The following MCTP1 variants were observed in gnomAD, a reference collection of about 807,000 sequenced individuals.
MCTP1 encodes multiple C2 and transmembrane domain containing 1.
A neutral mutation model predicts 120.6 loss-of-function variants in MCTP1; 69 were observed. The ratio of observed to expected loss-of-function variants is 0.57; its 90% CI spans 0.47 to 0.70. The LOEUF is 0.70. MCTP1 is among the 30% of genes least tolerant of loss of function. MCTP1 has a pLI of 0.00. For missense variants in MCTP1, 1,203 were observed against 1,248.8 expected, an observed-to-expected ratio of 0.96 and a Z score of 0.55; for synonymous variants, 529 against 493.1, an observed-to-expected ratio of 1.07 and a Z score of -0.96.
chr5:94,843,392 T>C (rs114594993), intron 17 of MCTP1, among the ~76,000 whole-genome samples: 1,612 of 152,256 alleles, frequency 0.011, 12 homozygotes, highest in African/African-American at 0.031. Flanking sequence ...TTGTGATCAG[T>C]TTACAATGTC....
chr5:95,032,437 T>C (rs538891151), intron 1 of MCTP1, among the ~76,000 whole-genome samples: 2 of 152,154 alleles, frequency 1.3e-5, no homozygotes, highest in South Asian at 4.1e-4. Flanking sequence ...CAAGAGGAAC[T>C]CTCAAAACCA....
chr5:94,870,393 G>A (rs1375459240), intron 16 of MCTP1, 24 bp downstream of exon 16: 8 of 1,481,652 alleles, frequency 5.4e-6, no homozygotes, highest in Admixed American at 1.7e-5. Context: ...TTCCCAGAGG[G>A]ATTAATCTTT....
At chr5:95,133,393 C>T (rs971662936) in intron 1 of MCTP1, among the ~76,000 whole-genome samples, 4 of 152,092 alleles carry the variant, frequency 2.6e-5, no homozygotes, top group African/African-American at 4.8e-5. Context: ...GTAATAAGGC[C>T]GGGTGCAGTG....
Position 94,707,437 on chromosome 5 carries a change from G to A in MCTP1, c.*59C>T, listed in dbSNP as rs1754924082. Reference sequence around the variant, plus strand: ...AAAGAAAGGAAATGCTGCTGAGGCTGAGGGCTTTTTCTTTTATCTTCCCAA... The same window carrying A: ...AAAGAAAGGAAATGCTGCTGAGGCTAAGGGCTTTTTCTTTTATCTTCCCAA... On this transcript the variant is annotated 3_prime_UTR_variant, in exon 23 of 23. Coordinates refer to ENST00000515393, the MANE Select transcript of MCTP1 (RefSeq NM_024717.7). The A allele has an allele frequency of 7.8e-7, 1 of 1,288,540 alleles. No homozygotes were observed. Among genetic ancestry groups the A allele is most frequent in the Non-Finnish European group, 1.1e-6 (1 of 901,522 alleles). 79.8% of individuals were successfully genotyped at this position (1,288,540 alleles called of 1,614,324 possible).
chr5:94,881,288 A>T (rs886367726), intron 12 of MCTP1, among the ~76,000 whole-genome samples: 1 of 152,010 alleles, frequency 6.6e-6, no homozygotes, highest in Non-Finnish European at 1.5e-5. Flanking sequence ...TTTAGTACTA[A>T]CCTCCAGAGA....
intron 2 of MCTP1, among the ~76,000 whole-genome samples, chr5:94,982,609 A>G (rs953761724): frequency 6.6e-6 from 1 of 152,084 alleles, no homozygotes; most frequent in African/African-American, 2.4e-5. Context: ...GAGTTCATCA[A>G]AAGAAAGATG....
intron 22 of MCTP1, 38 bp from the exon 23 acceptor site, chr5:94,707,605 G>A (rs748052807): frequency 6.7e-7 from 1 of 1,500,572 alleles, no homozygotes; most frequent in South Asian, 1.1e-5. Flanking sequence ...TGGTCAGGTG[G>A]CCACTTTCTG....
intron 1 of MCTP1, among the ~76,000 whole-genome samples, chr5:95,092,110 C>A (rs1287454739): frequency 6.6e-6 from 1 of 152,186 alleles, no homozygotes; most frequent in Non-Finnish European, 1.5e-5. Context: ...ATTAGAAATA[C>A]ACCTAATGAA....
In MCTP1 at chr5:95,249,708, G is replaced by A. The variant is rs546490071; in HGVS notation, c.720+34148C>T. Among the ~76,000 whole-genome samples the A allele has an allele frequency of 1.4e-4, 21 of 152,202 alleles. No individual in the cohort carries two copies. The South Asian group carries it at 4.0e-3, about 29-fold the overall frequency. On this transcript the variant is annotated intron_variant, in intron 1 of 22. Transcript: ENST00000515393. ...TGCTACTATAAAGACTCTTGCACAC[G>A]TATGTTTACTGTGACACTATTCACA... is the stretch of plus-strand genomic sequence containing the variant.
chr5:94,944,038 T>C (rs572766641), intron 3 of MCTP1, among the ~76,000 whole-genome samples: 3 of 151,554 alleles, frequency 2.0e-5, no homozygotes, highest in South Asian at 2.1e-4. Flanking sequence ...TCAGTTGCTC[T>C]TTTTTTTTCT....
At chr5:95,174,116 A>C (rs1346603461) in intron 1 of MCTP1, among the ~76,000 whole-genome samples, 1 of 152,184 alleles carries the variant, frequency 6.6e-6, no homozygotes, top group Non-Finnish European at 1.5e-5. Flanking sequence ...TCTAGCACAG[A>C]ATTACAATGC....
At chr5:94,725,643 C>G (rs925918664) in intron 19 of MCTP1, among the ~76,000 whole-genome samples, 1 of 152,126 alleles carries the variant, frequency 6.6e-6, no homozygotes, top group Admixed American at 6.6e-5. Flanking sequence ...GAGGTGGGTA[C>G]TAGATGACCA....
At chr5:95,090,676 G>C (rs1003374461) in intron 1 of MCTP1, among the ~76,000 whole-genome samples, 1 of 152,152 alleles carries the variant, frequency 6.6e-6, no homozygotes, top group African/African-American at 2.4e-5. Flanking sequence ...AAAATACTTA[G>C]TTTAAAAAAT....
At chr5:94,817,789 T>C (rs1255354090) in intron 17 of MCTP1, among the ~76,000 whole-genome samples, 1 of 152,216 alleles carries the variant, frequency 6.6e-6, no homozygotes, top group East Asian at 1.9e-4. Flanking sequence ...TATATGATTT[T>C]GGCCCTTTTT....
chr5:95,173,701 C>CTTAA (rs1747623211), intron 1 of MCTP1, among the ~76,000 whole-genome samples: 1 of 151,938 alleles, frequency 6.6e-6, no homozygotes, highest in Non-Finnish European at 1.5e-5. Flanking sequence ...GTGCTTAACT[C>CTTAA]TTAAGTATGA....
At chr5:95,281,588 G>T (rs1489686305) in intron 1 of MCTP1, among the ~76,000 whole-genome samples, 1 of 152,130 alleles carries the variant, frequency 6.6e-6, no homozygotes, top group Non-Finnish European at 1.5e-5. Flanking sequence ...AAGTCCCTCA[G>T]GGTTTACCAT....
At chr5:94,875,049 A>AT (rs1259217330) in intron 12 of MCTP1, among the ~76,000 whole-genome samples, 1 of 152,170 alleles carries the variant, frequency 6.6e-6, no homozygotes, top group Non-Finnish European at 1.5e-5. Context: ...GAATTAAACA[A>AT]TTTTTTAAAA....
intron 18 of MCTP1, among the ~76,000 whole-genome samples, chr5:94,797,835 A>T (rs1468912429): frequency 6.6e-6 from 1 of 152,138 alleles, no homozygotes. Context: ...TTTGTCACAT[A>T]CTAAAGGAAA....
At chr5:94,816,148 A>G (rs992121495) in intron 17 of MCTP1, among the ~76,000 whole-genome samples, 2 of 152,248 alleles carry the variant, frequency 1.3e-5, no homozygotes, top group African/African-American at 4.8e-5. Flanking sequence ...GAAATGTTTT[A>G]GTGTTCAAGG....
Sources: allele counts gnomAD v4.1 joint callset (sites outside exome capture counted in the v4.1 genomes callset), GRCh38; gene constraint gnomAD v4.1.1; transcripts MANE v1.5; gene names NCBI Gene and HGNC (gene_info 2026-07-23, HGNC 2026-07-21).